RALGAPA1: variants seen among roughly 807,000 people sequenced by gnomAD.
RALGAPA1 encodes the protein ral GTPase-activating protein subunit alpha-1.
RALGAPA1 carries 52 observed loss-of-function variants against 269.6 expected under a neutral mutation model. The observed-to-expected ratio is 0.19, with a 90% CI of 0.15 to 0.24. The LOEUF (loss-of-function observed/expected upper bound fraction) is 0.24, where lower values mean the gene tolerates loss of function less well. Among genes scored for constraint, RALGAPA1 ranks in the 10% least tolerant of loss-of-function variants. RALGAPA1 has a pLI of 1.00. For missense variants in RALGAPA1, 1,917 were observed against 3,013.9 expected (o/e 0.64, Z 8.52); for synonymous variants, 817 against 1,008.3 (o/e 0.81, Z 3.60).
intron 17 of RALGAPA1, 42 bp from the exon 18 acceptor site, chr14:35,690,045 A>T: frequency 2.3e-6 from 3 of 1,325,940 alleles, no homozygotes; most frequent in Non-Finnish European, 3.1e-6. Context: ...AACTACACAA[A>T]TATAAAAAAT....
At chr14:35,592,355 T>C (rs1473183503) in intron 37 of RALGAPA1, among the ~76,000 whole-genome samples, 5 of 152,166 alleles carry the variant, frequency 3.3e-5, no homozygotes, top group East Asian at 3.8e-4. Context: ...AACAAAGAGA[T>C]TGAAGAATTA....
At chr14:35,567,540 C>T (rs933431831) in intron 39 of RALGAPA1, among the ~76,000 whole-genome samples, 4 of 152,124 alleles carry the variant, frequency 2.6e-5, no homozygotes, top group Middle Eastern at 3.4e-3. Context: ...TGGCCAAGAT[C>T]ACAAGGCAGA....
chr14:35,761,877 G>A (rs2073732535), intron 5 of RALGAPA1, among the ~76,000 whole-genome samples: 1 of 152,154 alleles, frequency 6.6e-6, no homozygotes, highest in Admixed American at 6.5e-5. Flanking sequence ...GCTACAGGAA[G>A]GCTTATTCCT....
intron 35 of RALGAPA1, among the ~76,000 whole-genome samples, chr14:35,611,703 C>T (rs1347356437): frequency 2.0e-5 from 3 of 151,874 alleles, no homozygotes; most frequent in African/African-American, 7.3e-5. Context: ...CCATTGCACT[C>T]TAGGCTGGGC....
At chr14:35,598,398 G>GTT (rs571100699) in intron 36 of RALGAPA1, among the ~76,000 whole-genome samples, 44 of 140,692 alleles carry the variant, frequency 3.1e-4, no homozygotes, top group African/African-American at 1.3e-3. Context: ...AGTCTATATT[G>GTT]TTTTATATAT....
chr14:35,667,422 T>G (rs2064035353), intron 26 of RALGAPA1, among the ~76,000 whole-genome samples: 2 of 151,946 alleles, frequency 1.3e-5, no homozygotes, highest in South Asian at 2.1e-4. Flanking sequence ...CAACAAAACT[T>G]AACTGTTTAT....
rs1334286956 is a variant in RALGAPA1 at position 35,738,519 on chromosome 14, A to C, written c.1581T>G (p.Val527=). ...EQNIRAGTQA[V]LQVFIINSSN... Reference sequence around the variant, plus strand: ...TAGCCATAAAGTGATCCACCTGCAAAACTGCCTGGGTACCAGCTCGTATGT... The same window carrying C: ...TAGCCATAAAGTGATCCACCTGCAACACTGCCTGGGTACCAGCTCGTATGT... Residue 527 remains valine (V), a synonymous_variant, in exon 12 of 42, where the codon GTT becomes GTG. Coordinates refer to ENST00000680220, the MANE Select transcript of RALGAPA1 (RefSeq NM_001346249.2). 4 of 1,593,178 alleles carry C rather than the reference A, an allele frequency of 2.5e-6. No individual in the cohort carries two copies. In the East Asian group the frequency reaches 9.0e-5, roughly 36 times the overall value.
At chr14:35,625,150 CAAAAAAAAAAAAA>C (rs35013388) in intron 35 of RALGAPA1, among the ~76,000 whole-genome samples, 198 bp downstream of exon 35, 5 of 59,928 alleles carry the variant, frequency 8.3e-5, no homozygotes, top group Non-Finnish European at 1.8e-4. Context: ...GACTCTGTCT[CAAAAAAAAAAAAA>C]AAAAAAAAAA....
chr14:35,713,422 TTTACATTAATAAAG>T (rs1415830251), intron 16 of RALGAPA1, among the ~76,000 whole-genome samples: 14 of 152,226 alleles, frequency 9.2e-5, no homozygotes, highest in African/African-American at 3.4e-4. Flanking sequence ...TGGTCCTGAC[TTTACATTAATAAAG>T]CTACCCACTT....
intron 17 of RALGAPA1, 51 bp from the exon 18 acceptor site, chr14:35,690,054 AT>A (rs1480158102): frequency 1.6e-6 from 2 of 1,287,002 alleles, no homozygotes; most frequent in Admixed American, 2.6e-5. Context: ...AATATAAAAA[AT>A]AATTATTAAT....
Position 35,565,136 on chromosome 14 carries a change from A to T in RALGAPA1, c.7496+5481T>A, listed in dbSNP as rs551375453. 2.6e-5 allele frequency among the ~76,000 whole-genome samples: 4 copies of T among 152,108 alleles called. No homozygotes were observed. In the South Asian group the frequency reaches 8.3e-4, roughly 32 times the overall value. The stretch of plus-strand genomic sequence containing the variant: ...TACAATTCTATTTCTTGACTTGTTG[A>T]TAGTTAAACTGTAATAATTCATTAC... On this transcript the variant is annotated intron_variant, in intron 39 of 41. Transcript: ENST00000680220.
intron 8 of RALGAPA1, among the ~76,000 whole-genome samples, chr14:35,751,781 C>T (rs2072715695): frequency 6.7e-6 from 1 of 148,570 alleles, no homozygotes; most frequent in Non-Finnish European, 1.5e-5. Context: ...GAGTCCCTGT[C>T]TCTTAAAAAA....
intron 38 of RALGAPA1, among the ~76,000 whole-genome samples, chr14:35,571,791 T>C (rs562633438): frequency 7.9e-4 from 120 of 152,304 alleles, no homozygotes; most frequent in African/African-American, 2.6e-3. Context: ...TCTTAGCTTG[T>C]GGGTTGTATG....
intron 1 of RALGAPA1, among the ~76,000 whole-genome samples, chr14:35,805,106 T>C (rs1453554923): frequency 6.7e-6 from 1 of 149,322 alleles, no homozygotes; most frequent in African/African-American, 2.5e-5. Context: ...ACCAACATGG[T>C]GAAACCCCAT....
chr14:35,547,447 C>T (rs1182011499), intron 41 of RALGAPA1, among the ~76,000 whole-genome samples: 2 of 152,042 alleles, frequency 1.3e-5, no homozygotes, highest in Non-Finnish European at 2.9e-5. Flanking sequence ...AACTGAACAG[C>T]CTTTATCAAT....
At chr14:35,686,710 C>A (rs775690696) in intron 18 of RALGAPA1, 44 bp from the exon 19 acceptor site, 24 of 1,164,980 alleles carry the variant, frequency 2.1e-5, no homozygotes, top group Non-Finnish European at 2.2e-5. Context: ...AAAAACTTAA[C>A]TGCATTTTCT....
intron 32 of RALGAPA1, 72 bp downstream of exon 32, chr14:35,635,392 C>T (rs952077437): frequency 7.1e-7 from 1 of 1,408,928 alleles, no homozygotes; most frequent in African/African-American, 1.5e-5. Context: ...AAATGTTATA[C>T]TGAGAAATGT....
chr14:35,667,928 G>A (rs1460946617), intron 26 of RALGAPA1, among the ~76,000 whole-genome samples: 1 of 152,132 alleles, frequency 6.6e-6, no homozygotes, highest in African/African-American at 2.4e-5. Context: ...CAAATGAATG[G>A]ATAAAGAAAA....
At chr14:35,736,711 T>C (rs2071026802) in intron 12 of RALGAPA1, among the ~76,000 whole-genome samples, 1 of 152,190 alleles carries the variant, frequency 6.6e-6, no homozygotes, top group Non-Finnish European at 1.5e-5. Flanking sequence ...AGAGGTCACA[T>C]GTGGCCTTGA....
Sources: gnomAD v4.1 joint callset for allele counts (sites outside exome capture counted in the v4.1 genomes callset) on GRCh38, gnomAD v4.1.1 for gene constraint, MANE v1.5 for transcripts, NCBI Gene and HGNC (gene_info 2026-07-23, HGNC 2026-07-21) for gene names.